Variants in PTPRK observed in about 807,000 individuals in gnomAD.
PTPRK encodes protein tyrosine phosphatase receptor type K, also known as receptor-type tyrosine-protein phosphatase kappa.
In PTPRK, 75 loss-of-function variants were observed where a neutral mutation model predicts 178.0. That is an observed-to-expected ratio of 0.42 (90% CI 0.35 to 0.51). The LOEUF (loss-of-function observed/expected upper bound fraction) is 0.51. Among genes scored for constraint, PTPRK ranks in the 20% least tolerant of loss-of-function variants. The pLI, the probability that PTPRK is intolerant of heterozygous loss-of-function variation, is 0.02. For synonymous variants in PTPRK, 637 were observed against 620.6 expected, an observed-to-expected ratio of 1.03 and a Z score of -0.39; for missense variants, 1,441 against 1,797.8, an observed-to-expected ratio of 0.80 and a Z score of 3.59.
At chr6:128,208,725 G>A (rs561036364) in intron 6 of PTPRK, among the ~76,000 whole-genome samples, 36 of 152,152 alleles carry the variant, frequency 2.4e-4, no homozygotes, top group Non-Finnish European at 4.3e-4. Context: ...GGAAACTTAG[G>A]AAATACAAAT....
chr6:128,484,574 C>A (rs774022963), intron 1 of PTPRK, among the ~76,000 whole-genome samples: 1 of 152,112 alleles, frequency 6.6e-6, no homozygotes, highest in Non-Finnish European at 1.5e-5. Context: ...ATATATTTGT[C>A]CCCATGGTTA....
intron 2 of PTPRK, among the ~76,000 whole-genome samples, chr6:128,362,804 G>A (rs1834953710): frequency 6.6e-6 from 1 of 152,016 alleles, no homozygotes; most frequent in Admixed American, 6.6e-5. Context: ...AAATTCCAAA[G>A]AGAAAAAATT....
chr6:128,485,161 A>G (rs1412005378), intron 1 of PTPRK, among the ~76,000 whole-genome samples: 1 of 152,236 alleles, frequency 6.6e-6, no homozygotes, highest in Non-Finnish European at 1.5e-5. Flanking sequence ...AGTTGTCTAC[A>G]AAAATGTTAA....
intron 13 of PTPRK, among the ~76,000 whole-genome samples, chr6:128,055,968 C>T (rs1286838276): frequency 6.7e-6 from 1 of 148,836 alleles, no homozygotes; most frequent in Non-Finnish European, 1.5e-5. Flanking sequence ...AGAACATAAG[C>T]GCTTTTTTTT....
intron 21 of PTPRK, among the ~76,000 whole-genome samples, chr6:127,990,371 T>C (rs956237456): frequency 1.3e-5 from 2 of 152,106 alleles, no homozygotes; most frequent in Non-Finnish European, 2.9e-5. Flanking sequence ...ATTTCAGGTC[T>C]CTACTCATAT....
intron 24 of PTPRK, among the ~76,000 whole-genome samples, chr6:127,982,379 T>A (rs933041137): frequency 5.3e-5 from 8 of 151,456 alleles, no homozygotes; most frequent in African/African-American, 1.5e-4. Context: ...TTCACGCCAT[T>A]CTCCTGCCTC....
At chr6:128,414,711 C>T (rs1437923316) in intron 1 of PTPRK, among the ~76,000 whole-genome samples, 1 of 152,106 alleles carries the variant, frequency 6.6e-6, no homozygotes, top group Non-Finnish European at 1.5e-5. Context: ...AAACCAAATG[C>T]TTGCTTCATA....
intron 3 of PTPRK, among the ~76,000 whole-genome samples, chr6:128,302,602 C>G (rs1243043430): frequency 6.6e-6 from 1 of 150,452 alleles, no homozygotes; most frequent in Non-Finnish European, 1.5e-5. Flanking sequence ...CTGTTCCTTT[C>G]TTGAAACATT....
chr6:128,003,269 T>G, intron 15 of PTPRK: 4 of 1,514,590 alleles, frequency 2.6e-6, no homozygotes, highest in African/African-American at 1.4e-5. Context: ...AATATATTGC[T>G]CTAAAATTGT....
intron 7 of PTPRK, among the ~76,000 whole-genome samples, chr6:128,129,212 C>T (rs964459480): frequency 6.6e-6 from 1 of 152,160 alleles, no homozygotes; most frequent in African/African-American, 2.4e-5. Flanking sequence ...CACACTTAAG[C>T]TCAATAATCT....
intron 3 of PTPRK, among the ~76,000 whole-genome samples, chr6:128,306,402 A>T (rs1826382246): frequency 6.6e-6 from 1 of 152,212 alleles, no homozygotes; most frequent in Non-Finnish European, 1.5e-5. Context: ...GTTAGAAGAC[A>T]GATGTTATAA....
intron 3 of PTPRK, among the ~76,000 whole-genome samples, chr6:128,280,936 A>T (rs1020103459): frequency 9.2e-5 from 14 of 152,152 alleles, no homozygotes; most frequent in Non-Finnish European, 1.8e-4. Flanking sequence ...AATTATTTTT[A>T]AAAAAATAAC....
At chr6:128,254,850 T>C (rs116709545) in intron 3 of PTPRK, among the ~76,000 whole-genome samples, 1,534 of 152,142 alleles carry the variant, frequency 0.01, 22 homozygotes, top group African/African-American at 0.034. Flanking sequence ...AGCAGAGAAA[T>C]TAAGAAATAC....
At chr6:128,136,767 T>C (rs1795077928) in intron 7 of PTPRK, among the ~76,000 whole-genome samples, 1 of 152,220 alleles carries the variant, frequency 6.6e-6, no homozygotes, top group South Asian at 2.1e-4. Context: ...TTAACTTGGG[T>C]GATAGCCAAC....
At chr6:128,429,036 G>C (rs1283630075) in intron 1 of PTPRK, among the ~76,000 whole-genome samples, 1 of 152,162 alleles carries the variant, frequency 6.6e-6, no homozygotes, top group African/African-American at 2.4e-5. Context: ...ATTTATGATA[G>C]GTTTATCGGG....
At chr6:128,172,649 G>A (rs1444254639) in intron 7 of PTPRK, among the ~76,000 whole-genome samples, 1 of 150,314 alleles carries the variant, frequency 6.7e-6, no homozygotes, top group African/African-American at 2.5e-5. Flanking sequence ...TATATAATGT[G>A]TATATATATA....
chr6:128,035,719 T>C (rs1776094587), intron 13 of PTPRK, among the ~76,000 whole-genome samples: 1 of 152,196 alleles, frequency 6.6e-6, no homozygotes, highest in African/African-American at 2.4e-5. Flanking sequence ...ATAGCAATGG[T>C]TCTCAGTATA....
intron 12 of PTPRK, among the ~76,000 whole-genome samples, chr6:128,065,751 T>A (rs1046922215): frequency 5.9e-5 from 9 of 152,210 alleles, no homozygotes; most frequent in African/African-American, 2.2e-4. Flanking sequence ...GTTGCACTTC[T>A]ATTACTTGTG....
intron 3 of PTPRK, among the ~76,000 whole-genome samples, chr6:128,278,064 A>C (rs1821011761): frequency 6.6e-6 from 1 of 152,098 alleles, no homozygotes; most frequent in African/African-American, 2.4e-5. Context: ...CTCTTTTCCC[A>C]AAAAAGCTAG....
Sources: gnomAD v4.1 joint callset for allele counts (sites outside exome capture counted in the v4.1 genomes callset) on GRCh38, gnomAD v4.1.1 for gene constraint, MANE v1.5 for transcripts, NCBI Gene and HGNC (gene_info 2026-07-23, HGNC 2026-07-21) for gene names.